Variants in CCDC149 observed in about 807,000 individuals in gnomAD.
CCDC149 encodes the protein coiled-coil domain containing 149, also known as coiled-coil domain-containing protein 149.
CCDC149 carries 45 observed loss-of-function variants against 59.9 expected under a neutral mutation model. The ratio of observed to expected loss-of-function variants is 0.75; its 90% CI spans 0.59 to 0.96. The LOEUF (loss-of-function observed/expected upper bound fraction) is 0.96. Ranked by LOEUF, CCDC149 falls within the 40% of genes least tolerant of loss-of-function variation. The pLI is 0.00. For synonymous variants in CCDC149, 245 were observed against 260.6 expected, an observed-to-expected ratio of 0.94 and a Z score of 0.58; for missense variants, 584 against 664.7, an observed-to-expected ratio of 0.88 and a Z score of 1.33.
intron 1 of CCDC149, among the ~76,000 whole-genome samples, chr4:24,910,302 C>G (rs1254900841): frequency 6.6e-6 from 1 of 152,192 alleles, no homozygotes; most frequent in Non-Finnish European, 1.5e-5. Flanking sequence ...TCTAAGGTAT[C>G]AGTCATTAGA....
At chr4:24,852,328 ACACT>A (rs1717718060) in intron 4 of CCDC149, among the ~76,000 whole-genome samples, 1 of 147,874 alleles carries the variant, frequency 6.8e-6, no homozygotes, top group Non-Finnish European at 1.5e-5. Context: ...ACACACACAC[ACACT>A]ATAGTCTTCT....
chr4:24,864,236 G>C (rs950811318), intron 3 of CCDC149, among the ~76,000 whole-genome samples: 2 of 152,220 alleles, frequency 1.3e-5, no homozygotes, highest in African/African-American at 4.8e-5. Flanking sequence ...AGAGGGGCCT[G>C]AATTCTACTG....
Position 24,912,868 on chromosome 4 carries a change from C to T in CCDC149, c.12G>A (p.Glu4=). Residue 4 remains glutamate (E), a synonymous_variant, in exon 1 of 13, where the codon GAG becomes GAA. Transcript: ENST00000635206. Reference sequence around the variant, plus strand: ...TCTCAGTCCGGTCGCCGTTCATGGCCTCCTCCTCCATGCGCTGGCCGGCCT... The same window carrying T: ...TCTCAGTCCGGTCGCCGTTCATGGCTTCCTCCTCCATGCGCTGGCCGGCCT... 1 of 1,373,412 alleles carries T rather than the reference C, an allele frequency of 7.3e-7. No individual in the cohort carries two copies. The highest frequency in any genetic ancestry group is 1.4e-5 in the South Asian group (1 of 69,826). The allele number at this position is 1,373,412 out of a possible 1,614,324, so 85.1% of individuals were successfully genotyped here. A position where few individuals can be genotyped will look rare whatever the true frequency, so the allele number is the denominator to read the frequency against.
chr4:24,838,856 C>T (rs1451323100), intron 4 of CCDC149, among the ~76,000 whole-genome samples: 4 of 151,612 alleles, frequency 2.6e-5, no homozygotes, highest in African/African-American at 9.7e-5. Context: ...ACAGTGCAAC[C>T]AACCAAGTGG....
At chr4:24,848,062 A>G (rs60813794) in intron 4 of CCDC149, among the ~76,000 whole-genome samples, 14,196 of 152,164 alleles carry the variant, frequency 0.093, 721 homozygotes, top group African/African-American at 0.13. Context: ...TAAAAAATTC[A>G]TAAGATTTAT....
At chr4:24,966,038 C>T (rs1723786562) in intron 1 of CCDC149, among the ~76,000 whole-genome samples, 7 of 152,190 alleles carry the variant, frequency 4.6e-5, no homozygotes, top group Admixed American at 3.9e-4. Context: ...GTCTACGATT[C>T]CTCAAGTGTT....
intron 4 of CCDC149, among the ~76,000 whole-genome samples, chr4:24,843,027 G>C (rs1482147161): frequency 6.6e-6 from 1 of 152,002 alleles, no homozygotes; most frequent in Non-Finnish European, 1.5e-5. Context: ...AAAAAAAATG[G>C]ATAAAATCTA....
At chr4:24,835,121 A>G (rs1560208570) in intron 7 of CCDC149, 89 bp from the exon 8 acceptor site, 1 of 815,418 alleles carries the variant, frequency 1.2e-6, no homozygotes, top group Admixed American at 2.0e-5. Flanking sequence ...ATCGGCCCAC[A>G]AGAACCCCTT....
intron 1 of CCDC149, among the ~76,000 whole-genome samples, chr4:24,953,453 C>T (rs1723372389): frequency 1.3e-5 from 2 of 152,144 alleles, no homozygotes; most frequent in South Asian, 4.1e-4. Flanking sequence ...ACTGCCTGTA[C>T]TAGCAAAATT....
At chr4:24,968,377 G>A (rs184161848) in intron 1 of CCDC149, among the ~76,000 whole-genome samples, 2 of 152,346 alleles carry the variant, frequency 1.3e-5, no homozygotes, top group African/African-American at 4.8e-5. Context: ...TAGCAGGAAT[G>A]GATGCATTCA....
intron 12 of CCDC149, among the ~76,000 whole-genome samples, chr4:24,812,504 T>C (rs1014016880): frequency 6.6e-6 from 1 of 152,220 alleles, no homozygotes; most frequent in Non-Finnish European, 1.5e-5. Flanking sequence ...CTGCTGGCAC[T>C]TTCCAGAAGA....
At chr4:24,968,160 A>C (rs1723857703) in intron 1 of CCDC149, among the ~76,000 whole-genome samples, 2 of 152,250 alleles carry the variant, frequency 1.3e-5, no homozygotes, top group Non-Finnish European at 2.9e-5. Context: ...CTGGATGTGC[A>C]TGTGACCACA....
At chr4:24,861,687 G>C (rs115108327) in intron 3 of CCDC149, among the ~76,000 whole-genome samples, 680 of 152,150 alleles carry the variant, frequency 4.5e-3, no homozygotes, top group African/African-American at 0.016. Flanking sequence ...GTGTAACCAT[G>C]GATCATATTT....
intron 1 of CCDC149, among the ~76,000 whole-genome samples, chr4:24,923,187 G>C (rs900673926): frequency 2.6e-5 from 4 of 152,170 alleles, no homozygotes; most frequent in Non-Finnish European, 5.9e-5. Flanking sequence ...CAAGGTCACA[G>C]GCTGATACTC....
chr4:24,866,931 A>G (rs554791269), intron 3 of CCDC149, among the ~76,000 whole-genome samples: 14 of 152,148 alleles, frequency 9.2e-5, no homozygotes, highest in African/African-American at 3.1e-4. Context: ...TACCACTCCT[A>G]AGCAGAGAGC....
At chr4:24,874,448 G>A (rs936838227) in intron 2 of CCDC149, among the ~76,000 whole-genome samples, 6 of 151,778 alleles carry the variant, frequency 4.0e-5, no homozygotes, top group Non-Finnish European at 7.4e-5. Flanking sequence ...CAGATGTGGC[G>A]GCGGGTGCCT....
chr4:24,836,658 T>G (rs1716548630), intron 6 of CCDC149, 150 bp from the exon 7 acceptor site: 2 of 585,518 alleles, frequency 3.4e-6, no homozygotes, highest in East Asian at 5.6e-5. Context: ...GAGAAACATG[T>G]GCATCTTTGT....
chr4:24,837,469 C>G lies in CCDC149; in HGVS notation c.490-69G>C, dbSNP rs1008732198. 6.6e-7 allele frequency: 1 copy of G among 1,506,506 alleles called. No individual in the cohort carries two copies. Among genetic ancestry groups the G allele is most frequent in the Non-Finnish European group, 9.1e-7 (1 of 1,095,696 alleles). 93.3% of individuals were successfully genotyped at this position (1,506,506 alleles called of 1,614,324 possible). On this transcript the variant is annotated intron_variant, in intron 5 of 12. Transcript: ENST00000635206. The surrounding 1 kb of genome is among the most constrained non-coding windows in gnomAD (Gnocchi z 4.3). ...TCCAGCTTTATGGCCAGAGATGGAG[C>G]CTCCCACTTGGTTGACTGATTTTTA...
intron 4 of CCDC149, among the ~76,000 whole-genome samples, chr4:24,849,448 C>T (rs576807950): frequency 6.6e-5 from 10 of 152,246 alleles, no homozygotes; most frequent in South Asian, 2.1e-4. Flanking sequence ...GAAATTCCTG[C>T]GCACTGGACA....
Sources: gnomAD v4.1 joint callset for allele counts (sites outside exome capture counted in the v4.1 genomes callset) on GRCh38, gnomAD v4.1.1 for gene constraint, Gnocchi (gnomAD v3.1) non-coding constraint, MANE v1.5 for transcripts, NCBI Gene and HGNC (gene_info 2026-07-23, HGNC 2026-07-21) for gene names.